ZNF804B: variants seen among roughly 807,000 people sequenced by gnomAD.
ZNF804B encodes zinc finger protein 804B.
A neutral mutation model predicts 101.4 loss-of-function variants in ZNF804B; 80 were observed. That is an observed-to-expected ratio of 0.79 (90% CI 0.66 to 0.95). The LOEUF (loss-of-function observed/expected upper bound fraction) is 0.95. Among genes scored for constraint, ZNF804B ranks in the 40% least tolerant of loss-of-function variants. The pLI, the probability that ZNF804B is intolerant of heterozygous loss-of-function variation, is 0.00. For missense variants in ZNF804B, 1,673 were observed against 1,561.9 expected (o/e 1.07, Z -1.20); for synonymous variants, 622 against 558.8 (o/e 1.11, Z -1.59).
Position 89,139,402 on chromosome 7 carries a change from C to T in ZNF804B, c.109-78753C>T, listed in dbSNP as rs375911941. Among the ~76,000 whole-genome samples the T allele has an allele frequency of 2.2e-4, 33 of 152,146 alleles. No individual in the cohort carries two copies. In the East Asian group the frequency reaches 2.3e-3, roughly 11 times the overall value. On this transcript the variant is annotated intron_variant, in intron 1 of 3. Coordinates refer to ENST00000333190, the MANE Select transcript of ZNF804B (RefSeq NM_181646.5). ...AAAACAATGATGATCTTTGTCACATCAGCTGACTCCTCCTTTCACAAAAGA... is the reference window on the plus strand; with the variant it reads ...AAAACAATGATGATCTTTGTCACATTAGCTGACTCCTCCTTTCACAAAAGA...
intron 2 of ZNF804B, among the ~76,000 whole-genome samples, chr7:89,273,185 T>C (rs1286794373): frequency 2.0e-5 from 3 of 152,042 alleles, no homozygotes; most frequent in African/African-American, 7.2e-5. Flanking sequence ...TAAAACCAGA[T>C]TCTGAAACAA....
At chr7:89,013,377 A>G (rs2116197809) in intron 1 of ZNF804B, among the ~76,000 whole-genome samples, 1 of 152,324 alleles carries the variant, frequency 6.6e-6, no homozygotes, top group East Asian at 1.9e-4. Context: ...TATTGAATCT[A>G]CCAGCATGAT....
At chr7:88,806,039 A>G (rs1303618027) in intron 1 of ZNF804B, among the ~76,000 whole-genome samples, 1 of 151,384 alleles carries the variant, frequency 6.6e-6, no homozygotes, top group African/African-American at 2.4e-5. Context: ...AACTATGAGG[A>G]CCTTATTTCT....
chr7:89,134,345 G>T (rs1790598262), intron 1 of ZNF804B, among the ~76,000 whole-genome samples: 1 of 152,062 alleles, frequency 6.6e-6, no homozygotes, highest in Admixed American at 6.6e-5. Flanking sequence ...GTGTAAAACA[G>T]TGGGAATGGA....
chr7:89,335,361 T>A lies in ZNF804B; in HGVS notation c.2379T>A (p.Asn793Lys), dbSNP rs1445890128. 1 of 1,613,400 alleles carries A rather than the reference T, an allele frequency of 6.2e-7. No homozygotes were observed. The highest frequency in any genetic ancestry group is 1.3e-5 in the African/African-American group (1 of 74,848). The change falls in exon 4 of 4, where the codon AAT becomes AAA. Residue 793 changes from asparagine (N) to lysine (K), a missense_variant. Asn to Lys is a moderately conservative substitution (Grantham distance 94). Transcript: ENST00000333190. ...RNCKLWESFK[N>K]EKYSKRRYCH... Reference sequence around the variant, plus strand: ...GCAAATTGTGGGAATCATTTAAAAATGAAAAATACTCAAAACGTAGATATT... The same window carrying A: ...GCAAATTGTGGGAATCATTTAAAAAAGAAAAATACTCAAAACGTAGATATT...
chr7:89,126,733 CTTTA>C (rs909201786), intron 1 of ZNF804B, among the ~76,000 whole-genome samples: 3 of 151,676 alleles, frequency 2.0e-5, no homozygotes, highest in African/African-American at 7.3e-5. Flanking sequence ...TACGGAGATT[CTTTA>C]TTTATCAACC....
chr7:88,877,035 A>T, intron 1 of ZNF804B, among the ~76,000 whole-genome samples: 1 of 43,074 alleles, frequency 2.3e-5, no homozygotes, highest in African/African-American at 1.2e-4. Flanking sequence ...TAATATATAT[A>T]TATATATATA....
intron 2 of ZNF804B, among the ~76,000 whole-genome samples, chr7:89,318,887 C>T (rs1038631490): frequency 4.6e-5 from 7 of 151,736 alleles, no homozygotes; most frequent in Non-Finnish European, 7.3e-5. Context: ...CTGACAGCCC[C>T]GAACAGAGAT....
intron 1 of ZNF804B, among the ~76,000 whole-genome samples, chr7:88,948,942 C>T (rs1793178161): frequency 6.6e-6 from 1 of 151,820 alleles, no homozygotes; most frequent in South Asian, 2.1e-4. Flanking sequence ...TTAGATTTTA[C>T]ATTTTGATCT....
chr7:89,238,837 C>T (rs1438190655), intron 2 of ZNF804B, among the ~76,000 whole-genome samples: 1 of 152,094 alleles, frequency 6.6e-6, no homozygotes, highest in Non-Finnish European at 1.5e-5. Flanking sequence ...AATGAAGATG[C>T]CCTGGGTGTT....
intron 1 of ZNF804B, among the ~76,000 whole-genome samples, chr7:89,197,654 G>A (rs1251693226): frequency 6.6e-6 from 1 of 151,784 alleles, no homozygotes; most frequent in Non-Finnish European, 1.5e-5. Flanking sequence ...CTTAGATCTT[G>A]ATTCAATCTA....
intron 1 of ZNF804B, among the ~76,000 whole-genome samples, chr7:89,072,700 C>G (rs186486050): frequency 6.6e-6 from 1 of 151,870 alleles, no homozygotes; most frequent in Non-Finnish European, 1.5e-5. Flanking sequence ...GTAAATATAA[C>G]CAGGAAGACA....
intron 1 of ZNF804B, among the ~76,000 whole-genome samples, chr7:88,786,352 G>A (rs17164361): frequency 0.14 from 21,877 of 151,980 alleles, 1,660 homozygotes; most frequent in African/African-American, 0.2. Context: ...CATATAATGG[G>A]CAATCAATAA....
At chr7:88,935,950 ATCTT>A (rs1456636238) in intron 1 of ZNF804B, among the ~76,000 whole-genome samples, 2 of 121,244 alleles carry the variant, frequency 1.6e-5, no homozygotes, top group Admixed American at 8.4e-5. Context: ...TCATTCTTTC[ATCTT>A]TCTGTTTTCC....
chr7:88,955,017 T>C (rs549729410), intron 1 of ZNF804B, among the ~76,000 whole-genome samples: 1 of 151,114 alleles, frequency 6.6e-6, no homozygotes, highest in Non-Finnish European at 1.5e-5. Flanking sequence ...TCCTAGCTCT[T>C]AGGGTGGCTG....
rs1384893460 is a variant in ZNF804B at position 89,084,874 on chromosome 7, G to A, written c.109-133281G>A. 4.0e-5 allele frequency among the ~76,000 whole-genome samples: 6 copies of A among 151,710 alleles called. No individual in the cohort carries two copies. In the East Asian group the frequency reaches 7.7e-4, roughly 20 times the overall value. ...TGGATTTTTACTTCTTCAATAAAAT[G>A]TTATTTATTACTGGTTTCTAATAAG... On this transcript the variant is annotated intron_variant, in intron 1 of 3. Transcript: ENST00000333190.
At chr7:89,035,161 A>G (rs2116237869) in intron 1 of ZNF804B, among the ~76,000 whole-genome samples, 1 of 152,240 alleles carries the variant, frequency 6.6e-6, no homozygotes, top group East Asian at 1.9e-4. Context: ...ACTAGATATC[A>G]CATTTTTTAT....
rs1186385471 is a variant in ZNF804B at position 89,087,960 on chromosome 7, A to T, written c.109-130195A>T. On this transcript the variant is annotated intron_variant, in intron 1 of 3. Coordinates refer to ENST00000333190, the MANE Select transcript of ZNF804B (RefSeq NM_181646.5). ...AATCATGGTAGTGTTATGTGCTTATATATATAAGCTTACACATATATGTAT... is the reference window on the plus strand; with the variant it reads ...AATCATGGTAGTGTTATGTGCTTATTTATATAAGCTTACACATATATGTAT... 2.0e-5 allele frequency among the ~76,000 whole-genome samples: 3 copies of T among 148,840 alleles called. No homozygotes were observed. The East Asian group carries it at 6.0e-4, about 30-fold the overall frequency.
At chr7:89,039,928 A>G (rs1465826184) in intron 1 of ZNF804B, among the ~76,000 whole-genome samples, 5 of 151,858 alleles carry the variant, frequency 3.3e-5, no homozygotes, top group Non-Finnish European at 1.5e-5. Flanking sequence ...TTGACTTTTG[A>G]GAATTTTGTT....
Sources: gnomAD v4.1 joint callset for allele counts (sites outside exome capture counted in the v4.1 genomes callset) on GRCh38, gnomAD v4.1.1 for gene constraint, MANE v1.5 for transcripts, NCBI Gene and HGNC (gene_info 2026-07-23, HGNC 2026-07-21) for gene names.